Variants in KIAA1217 observed in about 807,000 individuals in gnomAD.
The protein encoded by KIAA1217 is KIAA1217.
A neutral mutation model predicts 163.9 loss-of-function variants in KIAA1217; 88 were observed. The observed-to-expected ratio is 0.54, with a 90% CI of 0.45 to 0.64. The LOEUF (loss-of-function observed/expected upper bound fraction) is 0.64. Ranked by LOEUF, KIAA1217 falls within the 30% of genes least tolerant of loss-of-function variation. The pLI is 0.00. For missense variants in KIAA1217, 2,372 were observed against 2,475.0 expected, an observed-to-expected ratio of 0.96 and a Z score of 0.88; for synonymous variants, 903 against 923.1, an observed-to-expected ratio of 0.98 and a Z score of 0.39.
At chr10:24,185,537 G>A (rs148594840) in intron 2 of KIAA1217, among the ~76,000 whole-genome samples, 65 of 152,312 alleles carry the variant, frequency 4.3e-4, no homozygotes, top group African/African-American at 1.6e-3. Flanking sequence ...GCTCATGCCT[G>A]TAATCCCAGC....
At position 24,542,721 on chromosome 10, in the gene KIAA1217, G is replaced by A. The variant is rs766557108; in HGVS notation, c.3563G>A (p.Arg1188Gln). 93 of 1,614,164 alleles carry A rather than the reference G, an allele frequency of 5.8e-5. No individual in the cohort carries two copies. Among genetic ancestry groups the A allele is most frequent in the Middle Eastern group, 1.6e-4 (1 of 6,062 alleles). Residue 1188 changes from arginine (R) to glutamine (Q), a missense_variant, in exon 18 of 21, where the codon CGG becomes CAG. Physicochemically the swap from Arg to Gln is conservative, Grantham distance 43 (BLOSUM62 1). Coordinates refer to ENST00000376454, the MANE Select transcript of KIAA1217 (RefSeq NM_019590.5). Reference protein sequence around the residue: ...KNLEFFHEDVRKSDVEYENGP... With the variant: ...KNLEFFHEDVQKSDVEYENGP... The stretch of plus-strand genomic sequence containing the variant: ...TTGGAATTTTTCCATGAAGATGTAC[G>A]GAAATCTGATGTTGAATATGAAAAT...
At chr10:23,912,985 T>TC (rs556057393) in intron 1 of KIAA1217, among the ~76,000 whole-genome samples, 319 of 152,306 alleles carry the variant, frequency 2.1e-3, no homozygotes, top group Non-Finnish European at 3.9e-3. Context: ...TCTCAGCCTG[T>TC]CAGTTTCTCT....
intron 1 of KIAA1217, among the ~76,000 whole-genome samples, chr10:23,834,857 G>T (rs1218834761): frequency 6.6e-6 from 1 of 152,102 alleles, no homozygotes; most frequent in African/African-American, 2.4e-5. Context: ...GGTGGCAGGT[G>T]GGGGCACAGA....
chr10:24,523,501 T>C (rs1411899), intron 12 of KIAA1217, among the ~76,000 whole-genome samples: 47,123 of 151,648 alleles, frequency 0.31, 7,542 homozygotes, highest in Middle Eastern at 0.39. Context: ...TAAAAAAAAG[T>C]AACATAATAA....
At chr10:24,370,303 A>G (rs900949874) in intron 2 of KIAA1217, among the ~76,000 whole-genome samples, 1 of 150,276 alleles carries the variant, frequency 6.7e-6, no homozygotes, top group Non-Finnish European at 1.5e-5. Context: ...ACCCTAAGGT[A>G]GATACACTGA....
At chr10:23,789,451 A>G (rs1315311724) in intron 1 of KIAA1217, among the ~76,000 whole-genome samples, 2 of 152,164 alleles carry the variant, frequency 1.3e-5, no homozygotes, top group Non-Finnish European at 2.9e-5. Context: ...GCAGCCTTAT[A>G]CCACCTGAAA....
At chr10:24,004,103 C>T (rs1846877321) in intron 1 of KIAA1217, among the ~76,000 whole-genome samples, 1 of 152,152 alleles carries the variant, frequency 6.6e-6, no homozygotes, top group African/African-American at 2.4e-5. Flanking sequence ...CCTCAGCCTC[C>T]TGAGTAGCTG....
At chr10:23,846,203 TTGGC>T (rs1026436054) in intron 1 of KIAA1217, among the ~76,000 whole-genome samples, 1 of 152,216 alleles carries the variant, frequency 6.6e-6, no homozygotes, top group African/African-American at 2.4e-5. Context: ...TAGGATTGTC[TTGGC>T]TGTGTGGGCT....
chr10:23,952,165 G>T (rs961477582), intron 1 of KIAA1217, among the ~76,000 whole-genome samples: 2 of 152,204 alleles, frequency 1.3e-5, no homozygotes, highest in Admixed American at 6.5e-5. Flanking sequence ...GAAGATTGGG[G>T]ATGTTTTAAG....
At chr10:24,298,001 G>A (rs1043861090) in intron 2 of KIAA1217, among the ~76,000 whole-genome samples, 4 of 151,602 alleles carry the variant, frequency 2.6e-5, no homozygotes, top group Non-Finnish European at 4.4e-5. Context: ...TAGAACATCT[G>A]GCCTGACATT....
chr10:24,127,511 G>A (rs763923812), intron 2 of KIAA1217, among the ~76,000 whole-genome samples: 1 of 152,158 alleles, frequency 6.6e-6, no homozygotes, highest in Non-Finnish European at 1.5e-5. Flanking sequence ...CTACTGCCTT[G>A]AGACATGTTC....
intron 6 of KIAA1217, among the ~76,000 whole-genome samples, chr10:24,490,997 C>G (rs2066044002): frequency 1.3e-5 from 2 of 152,194 alleles, no homozygotes; most frequent in Admixed American, 1.3e-4. Flanking sequence ...CCAGACCGTT[C>G]TGCAACTCTG....
intron 2 of KIAA1217, among the ~76,000 whole-genome samples, chr10:24,132,330 G>A (rs1205776461): frequency 6.6e-6 from 1 of 152,204 alleles, no homozygotes; most frequent in African/African-American, 2.4e-5. Context: ...CAATAATTTT[G>A]AGTTGGAGTT....
intron 2 of KIAA1217, among the ~76,000 whole-genome samples, chr10:24,333,173 C>T (rs1411911884): frequency 2.6e-5 from 4 of 152,026 alleles, no homozygotes; most frequent in Admixed American, 2.0e-4. Flanking sequence ...TACAAACGCC[C>T]ACCACCACAG....
chr10:24,070,180 A>G (rs1589385478), intron 2 of KIAA1217, among the ~76,000 whole-genome samples: 4 of 152,306 alleles, frequency 2.6e-5, no homozygotes, highest in Admixed American at 2.6e-4. Flanking sequence ...TAAGCAATAG[A>G]GTGAGAGGTC....
Position 24,163,577 on chromosome 10 carries a change from G to C in KIAA1217, c.-170-56049G>C, listed in dbSNP as rs145656556. ...TTTTCTTGAAGCTTATTTCTTTTCCGTTCATTATTCATACTTTAGTAAGTA... is the reference window on the plus strand; with the variant it reads ...TTTTCTTGAAGCTTATTTCTTTTCCCTTCATTATTCATACTTTAGTAAGTA... On this transcript the variant is annotated intron_variant, in intron 2 of 18. Coordinates refer to the KIAA1217 transcript ENST00000376462. Among the ~76,000 whole-genome samples the C allele has an allele frequency of 2.0e-5, 3 of 152,028 alleles. No homozygotes were observed. The South Asian group carries it at 6.2e-4, about 32-fold the overall frequency.
chr10:24,052,593 C>G (rs1849592109), intron 2 of KIAA1217, among the ~76,000 whole-genome samples: 2 of 151,706 alleles, frequency 1.3e-5, no homozygotes, highest in South Asian at 4.2e-4. Flanking sequence ...GTTCTTGGTG[C>G]TTCCAACTTT....
intron 1 of KIAA1217, among the ~76,000 whole-genome samples, chr10:23,791,659 G>T (rs2130934418): frequency 6.6e-6 from 1 of 152,336 alleles, no homozygotes; most frequent in South Asian, 2.1e-4. Flanking sequence ...TAATTTTATT[G>T]TGCATTTGTG....
chr10:24,332,298 A>T (rs1178157746), intron 2 of KIAA1217, among the ~76,000 whole-genome samples: 1 of 152,224 alleles, frequency 6.6e-6, no homozygotes, highest in African/African-American at 2.4e-5. Flanking sequence ...ATATTTCTTT[A>T]GAATGATTGC....
Sources: gnomAD v4.1 joint callset for allele counts (sites outside exome capture counted in the v4.1 genomes callset) on GRCh38, gnomAD v4.1.1 for gene constraint, MANE v1.5 for transcripts, NCBI Gene and HGNC (gene_info 2026-07-23, HGNC 2026-07-21) for gene names.